LIN28A: variants seen among roughly 807,000 people sequenced by gnomAD.
The protein encoded by LIN28A is protein lin-28 homolog A.
Under a neutral mutation model 21.1 loss-of-function variants are expected in LIN28A, and 11 were observed. That is an observed-to-expected ratio of 0.52 (90% CI 0.33 to 0.86). The LOEUF (loss-of-function observed/expected upper bound fraction) is 0.86. LIN28A is among the 40% of genes least tolerant of loss of function. LIN28A has a pLI of 0.03. For synonymous variants in LIN28A, 111 were observed against 108.7 expected, an observed-to-expected ratio of 1.02 and a Z score of -0.13; for missense variants, 219 against 279.8, an observed-to-expected ratio of 0.78 and a Z score of 1.55.
At chr1:26,422,772 T>C (rs900401515) in intron 2 of LIN28A, among the ~76,000 whole-genome samples, 3 of 152,222 alleles carry the variant, frequency 2.0e-5, no homozygotes, top group African/African-American at 7.2e-5. Context: ...TAAATTGTAA[T>C]ATCTGGTATT....
In LIN28A at chr1:26,419,976, G is replaced by T. The variant is rs544121041; in HGVS notation, c.229-5327G>T. 3.0e-4 allele frequency among the ~76,000 whole-genome samples: 45 copies of T among 152,128 alleles called. No homozygotes were observed. In the South Asian group the frequency reaches 8.7e-3, roughly 29 times the overall value. ...AAATCTAATATAATCTTTATTTTTT[G>T]AGATGGGTTCTTGCTCTCTCACCCA... is the stretch of plus-strand genomic sequence containing the variant. On this transcript the variant is annotated intron_variant, in intron 2 of 3. Coordinates refer to ENST00000326279, the MANE Select transcript of LIN28A (RefSeq NM_024674.6).
At chr1:26,421,825 C>T (rs979205030) in intron 2 of LIN28A, among the ~76,000 whole-genome samples, 1 of 152,022 alleles carries the variant, frequency 6.6e-6, no homozygotes, top group Non-Finnish European at 1.5e-5. Context: ...GCTGCAAGAA[C>T]AATACCCAAC....
At chr1:26,410,965 G>A in intron 1 of LIN28A, 43 bp downstream of exon 1, 1 of 1,589,028 alleles carries the variant, frequency 6.3e-7, no homozygotes, top group Non-Finnish European at 8.5e-7. Context: ...GGATTCAGGG[G>A]CGGCCAGGAG....
intron 2 of LIN28A, among the ~76,000 whole-genome samples, chr1:26,422,643 C>T (rs1474021913): frequency 6.6e-6 from 1 of 152,068 alleles, no homozygotes; most frequent in African/African-American, 2.4e-5. Context: ...ATATGTGTGT[C>T]CCATTGTAGG....
At chr1:26,412,788 G>T (rs2074968848) in intron 2 of LIN28A, among the ~76,000 whole-genome samples, 1 of 152,096 alleles carries the variant, frequency 6.6e-6, no homozygotes, top group African/African-American at 2.4e-5. Context: ...GTTGGAGGCA[G>T]CAGGGACGTC....
chr1:26,417,592 C>G (rs1482734825), intron 2 of LIN28A, among the ~76,000 whole-genome samples: 1 of 152,160 alleles, frequency 6.6e-6, no homozygotes, highest in African/African-American at 2.4e-5. Context: ...GCTCTTGCCT[C>G]TTATTGCGAC....
chr1:26,411,631 C>A lies in LIN28A; in HGVS notation c.228+49C>A. On this transcript the variant is annotated intron_variant, in intron 2 of 3. Transcript: ENST00000326279. The surrounding 1 kb of genome is among the most constrained non-coding windows in gnomAD (Gnocchi z 5.4). The stretch of plus-strand genomic sequence containing the variant: ...GCCCAGGGAAGGGCGTCTAGGCGCC[C>A]ATATCCACGGGTGGGCTCCGGGCTC... The A allele has an allele frequency of 6.3e-7, 1 of 1,577,246 alleles. No homozygotes were observed. The highest frequency in any genetic ancestry group is 1.1e-5 in the South Asian group (1 of 88,254).
chr1:26,411,427 CCGGAGGACGCGGCCCGGG>C lies in LIN28A; in HGVS notation c.77_94del (p.Glu26_Ala31del). The C allele has an allele frequency of 6.2e-7, 1 of 1,606,074 alleles. No homozygotes were observed. The highest frequency in any genetic ancestry group is 8.5e-7 in the Non-Finnish European group (1 of 1,176,730). On this transcript the variant is annotated inframe_deletion, in exon 2 of 4. Coordinates refer to ENST00000326279, the MANE Select transcript of LIN28A (RefSeq NM_024674.6). This position sits in a 1 kb window ranked among gnomAD's most constrained non-coding sequence, Gnocchi z 5.4. ...GGCAGAAGAGGCGCCCGAGGAGGCGCCGGAGGACGCGGCCCGGGCGGCGGACGAGCCTCAGCTGCTGCA... is the reference window on the plus strand; with the variant it reads ...GGCAGAAGAGGCGCCCGAGGAGGCGCCGGCGGACGAGCCTCAGCTGCTGCA...
chr1:26,418,137 G>A (rs1000461672), intron 2 of LIN28A, among the ~76,000 whole-genome samples: 5 of 152,072 alleles, frequency 3.3e-5, no homozygotes, highest in African/African-American at 1.2e-4. Flanking sequence ...CTGGGATGAG[G>A]TACTTGGTGT....
intron 2 of LIN28A, among the ~76,000 whole-genome samples, chr1:26,414,695 G>A (rs2074983195): frequency 6.6e-6 from 1 of 152,184 alleles, no homozygotes; most frequent in South Asian, 2.1e-4. Context: ...CTCGACTTCA[G>A]CACTATTGAC....
At chr1:26,412,534 A>G (rs774674108) in intron 2 of LIN28A, among the ~76,000 whole-genome samples, 36 of 152,202 alleles carry the variant, frequency 2.4e-4, no homozygotes, top group Admixed American at 3.9e-4. Flanking sequence ...CATGGAAAGG[A>G]AGTTGCTTGC....
In LIN28A at chr1:26,411,278, TG is replaced by T; in HGVS notation, c.32-106del. 9.0e-7 allele frequency: 1 copy of T among 1,109,656 alleles called. No homozygotes were observed. The highest frequency in any genetic ancestry group is 1.2e-6 in the Non-Finnish European group (1 of 803,482). The allele number at this position is 1,109,656 out of a possible 1,614,324, so 68.7% of individuals were successfully genotyped here. ...CTGTTGCTTGGTAGCTGCCCCCTCC[TG>T]GCTGTCCACTTGTGGGGCTGGATAC... On this transcript the variant is annotated intron_variant, in intron 1 of 3. Coordinates refer to ENST00000326279, the MANE Select transcript of LIN28A (RefSeq NM_024674.6). This position sits in a 1 kb window ranked among gnomAD's most constrained non-coding sequence, Gnocchi z 5.4.
chr1:26,426,166 G>GGT (rs1482561933), intron 3 of LIN28A, 76 bp from the exon 4 acceptor site: 1 of 1,194,166 alleles, frequency 8.4e-7, no homozygotes, highest in African/African-American at 1.5e-5. Context: ...CCAGAGCCCA[G>GGT]GTGTCCTCAT....
chr1:26,423,780 T>C (rs1360222842), intron 2 of LIN28A, among the ~76,000 whole-genome samples: 9 of 148,822 alleles, frequency 6.0e-5, no homozygotes, highest in Non-Finnish European at 1.3e-4. Context: ...TTGTTTGTTT[T>C]GCGACGGAGT....
rs1305821928 is a variant in LIN28A at position 26,416,875 on chromosome 1, C to T, written c.228+5293C>T. Among the ~76,000 whole-genome samples, 5 of 152,276 alleles carry T rather than the reference C, an allele frequency of 3.3e-5. No homozygotes were observed. In the East Asian group the frequency reaches 7.7e-4, roughly 24 times the overall value. Reference sequence around the variant, plus strand: ...CTCGTGGTGATCCGCCTGCCTCGGCCTCCCAAAGTGCTGGATTTACAGGCA... The same window carrying T: ...CTCGTGGTGATCCGCCTGCCTCGGCTTCCCAAAGTGCTGGATTTACAGGCA... On this transcript the variant is annotated intron_variant, in intron 2 of 3. Coordinates refer to ENST00000326279, the MANE Select transcript of LIN28A (RefSeq NM_024674.6).
Position 26,411,503 on chromosome 1 carries a change from G to C in LIN28A, c.149G>C (p.Arg50Pro), listed in dbSNP as rs772653651. The C allele has an allele frequency of 6.2e-7, 1 of 1,614,090 alleles. No homozygotes were observed. Among genetic ancestry groups the C allele is most frequent in the South Asian group, 1.1e-5 (1 of 91,092 alleles). ...GGCATCTGTAAGTGGTTCAACGTGCGCATGGGGTTCGGCTTCCTGTCCATG... is the reference window on the plus strand; with the variant it reads ...GGCATCTGTAAGTGGTTCAACGTGCCCATGGGGTTCGGCTTCCTGTCCATG... ...GAGICKWFNV[R>P]MGFGFLSMTA... The change falls in exon 2 of 4, where the codon CGC (arginine) becomes CCC (proline). Residue 50 changes from arginine to proline, a missense_variant. Arg to Pro is a moderately radical substitution (Grantham distance 103). Coordinates refer to ENST00000326279, the MANE Select transcript of LIN28A (RefSeq NM_024674.6). The surrounding 1 kb of genome is among the most constrained non-coding windows in gnomAD (Gnocchi z 5.4).
In LIN28A at chr1:26,422,675, T is replaced by C. The variant is rs2075034502; in HGVS notation, c.229-2628T>C. 2.6e-5 allele frequency among the ~76,000 whole-genome samples: 4 copies of C among 152,164 alleles called. 1 individual carries two copies. In the South Asian group the frequency reaches 8.3e-4, roughly 31 times the overall value. On this transcript the variant is annotated intron_variant, in intron 2 of 3. Coordinates refer to ENST00000326279, the MANE Select transcript of LIN28A (RefSeq NM_024674.6). ...TAGGCAAAGCTAAACTCAAAGAACT[T>C]GACTAGGGTATTATCTGCCAGTTTT...
rs868409321 is a variant in LIN28A at position 26,426,201 on chromosome 1, T to C, written c.414-41T>C. 3 of 1,561,260 alleles carry C rather than the reference T, an allele frequency of 1.9e-6. 1 individual carries two copies. In the Middle Eastern group the frequency reaches 5.0e-4, roughly 262 times the overall value. The stretch of plus-strand genomic sequence containing the variant: ...TTCGTGGGAGGCATCTGGCCTCTTC[T>C]TGCTCCTTTCTCTTACTTTTACGAT... On this transcript the variant is annotated intron_variant, in intron 3 of 3. Coordinates refer to ENST00000326279, the MANE Select transcript of LIN28A (RefSeq NM_024674.6).
intron 2 of LIN28A, among the ~76,000 whole-genome samples, chr1:26,417,660 G>A (rs1325979160): frequency 6.6e-6 from 1 of 152,062 alleles, no homozygotes; most frequent in East Asian, 1.9e-4. Context: ...GTAAAATGAG[G>A]GTCTTCATAT....
Sources: gnomAD v4.1 joint callset for allele counts (sites outside exome capture counted in the v4.1 genomes callset) on GRCh38, gnomAD v4.1.1 for gene constraint, Gnocchi (gnomAD v3.1) non-coding constraint, MANE v1.5 for transcripts, NCBI Gene and HGNC (gene_info 2026-07-23, HGNC 2026-07-21) for gene names.